RBL1: variants seen among roughly 807,000 people sequenced by gnomAD.
RBL1 encodes the protein RB transcriptional corepressor like 1.
A neutral mutation model predicts 123.0 loss-of-function variants in RBL1; 82 were observed. The ratio of observed to expected loss-of-function variants is 0.67; its 90% CI spans 0.56 to 0.80. The LOEUF is 0.80. RBL1 is among the 30% of genes least tolerant of loss of function. RBL1 has a pLI of 0.00. For missense variants in RBL1, 1,171 were observed against 1,299.6 expected, an observed-to-expected ratio of 0.90 and a Z score of 1.52; for synonymous variants, 405 against 441.3, an observed-to-expected ratio of 0.92 and a Z score of 1.03.
At chr20:37,067,188 A>T in intron 4 of RBL1, 45 bp downstream of exon 4, 1 of 1,576,434 alleles carries the variant, frequency 6.3e-7, no homozygotes, top group Non-Finnish European at 8.6e-7. Flanking sequence ...AATAGCACCA[A>T]GTTCCCAGAG....
Position 37,061,104 on chromosome 20 carries a change from C to G in RBL1, c.1249G>C (p.Glu417Gln). Residue 417 changes from glutamate to glutamine, a missense_variant and splice_region_variant, in exon 9 of 22, where the codon GAA becomes CAA. Glu to Gln is a conservative substitution (Grantham distance 29). Coordinates refer to ENST00000373664, the MANE Select transcript of RBL1 (RefSeq NM_002895.5). ...GAAAAATAACAGTATTGTACATACT[C>G]AAAAATATTTATAAGTTGGTCACTT... Reference protein sequence around the residue: ...APSDQLINIFESCVRNPVENI... With the variant: ...APSDQLINIFQSCVRNPVENI... The G allele has an allele frequency of 6.2e-7, 1 of 1,601,420 alleles. No homozygotes were observed. The highest frequency in any genetic ancestry group is 8.5e-7 in the Non-Finnish European group (1 of 1,173,274).
intron 11 of RBL1, among the ~76,000 whole-genome samples, chr20:37,052,613 G>A (rs180740926): frequency 1.3e-5 from 2 of 152,270 alleles, no homozygotes; most frequent in African/African-American, 2.4e-5. Flanking sequence ...GGGTTCAAGC[G>A]ATTCTCCTGT....
intron 11 of RBL1, among the ~76,000 whole-genome samples, chr20:37,051,058 G>A (rs2064903021): frequency 6.6e-6 from 1 of 151,940 alleles, no homozygotes; most frequent in Admixed American, 6.6e-5. Context: ...TGTTGCCTAG[G>A]TTGGAGGACA....
chr20:37,037,880 T>A (rs1216252122), intron 14 of RBL1, among the ~76,000 whole-genome samples: 1 of 152,074 alleles, frequency 6.6e-6, no homozygotes, highest in Non-Finnish European at 1.5e-5. Context: ...AGGGACCAGT[T>A]TTCACTGTGT....
chr20:37,056,349 T>G, intron 9 of RBL1, 91 bp from the exon 10 acceptor site: 1 of 1,299,542 alleles, frequency 7.7e-7, no homozygotes, highest in East Asian at 3.5e-5. Flanking sequence ...TGCCTTCTTC[T>G]TCTTTTTTTT....
At chr20:37,039,410 C>T (rs2064684137) in intron 14 of RBL1, among the ~76,000 whole-genome samples, 1 of 152,144 alleles carries the variant, frequency 6.6e-6, no homozygotes, top group Non-Finnish European at 1.5e-5. Context: ...CCCATAATTC[C>T]CACGTGTCAT....
intron 20 of RBL1, 61 bp from the exon 21 acceptor site, chr20:37,003,927 T>A: frequency 1.4e-6 from 2 of 1,436,574 alleles, no homozygotes; most frequent in East Asian, 4.7e-5. Context: ...TTGAATCCCA[T>A]ATTTTTATTC....
chr20:37,073,281 G>A (rs958129921), intron 2 of RBL1, among the ~76,000 whole-genome samples: 1 of 152,060 alleles, frequency 6.6e-6, no homozygotes, highest in African/African-American at 2.4e-5. Flanking sequence ...ATGCATCAGG[G>A]TGTTTGAAAA....
chr20:37,012,283 C>T (rs1170914617), intron 19 of RBL1, among the ~76,000 whole-genome samples: 2 of 151,966 alleles, frequency 1.3e-5, no homozygotes, highest in Non-Finnish European at 2.9e-5. Flanking sequence ...GCCCGGCCGC[C>T]ACCCCGTCTG....
intron 2 of RBL1, among the ~76,000 whole-genome samples, chr20:37,068,537 A>G (rs1027670445): frequency 1.3e-5 from 2 of 152,046 alleles, no homozygotes; most frequent in Non-Finnish European, 2.9e-5. Context: ...AATTAAAAAA[A>G]AAAAGTCCTC....
At chr20:37,067,342 A>G (rs756389412) in intron 3 of RBL1, 45 bp from the exon 4 acceptor site, 2 of 1,369,282 alleles carry the variant, frequency 1.5e-6, no homozygotes, top group South Asian at 2.5e-5. Flanking sequence ...AGCTCGCTAA[A>G]TATCATGTAA....
chr20:37,062,157 G>T lies in RBL1; in HGVS notation c.1010C>A (p.Thr337Asn). 6.2e-7 allele frequency: 1 copy of T among 1,614,188 alleles called. No homozygotes were observed. The highest frequency in any genetic ancestry group is 1.1e-5 in the South Asian group (1 of 91,088). Residue 337 changes from threonine (T) to asparagine (N), a missense_variant, in exon 8 of 22, where the codon ACT becomes AAT. By Grantham distance (65) the Thr-to-Asn change is moderately conservative. Transcript: ENST00000373664. ...CAGTTTCCCTAATGGGGTGTCACGA[G>T]TGAACTTTCGAGGTGTTCCAATTTC... ...EEEIGTPRKF[T>N]RDTPLGKLTA...
At chr20:37,004,387 T>C (rs2064036086) in intron 20 of RBL1, among the ~76,000 whole-genome samples, 1 of 151,112 alleles carries the variant, frequency 6.6e-6, no homozygotes. Flanking sequence ...CGGCCTATTT[T>C]CCTGGATCTT....
In RBL1 at chr20:37,025,363, T is replaced by A. The variant is rs2064402750; in HGVS notation, c.2383-2537A>T. ...AGCGAAACCCCTTCTCTACAAAAAA[T>A]TAAAAAATAAGCTGGGTGTGGTAGC... On this transcript the variant is annotated intron_variant, in intron 16 of 21. Transcript: ENST00000373664. Among the ~76,000 whole-genome samples, 3 of 151,780 alleles carry A rather than the reference T, an allele frequency of 2.0e-5. No homozygotes were observed. In the South Asian group the frequency reaches 6.2e-4, roughly 32 times the overall value.
At position 37,069,151 on chromosome 20, in the gene RBL1, C is replaced by T. The variant is rs536792133; in HGVS notation, c.291-965G>A. Among the ~76,000 whole-genome samples the T allele has an allele frequency of 2.7e-3, 415 of 152,340 alleles. 1 individual carries two copies. The highest frequency in any genetic ancestry group is 9.4e-3 in the African/African-American group (390 of 41,590). On this transcript the variant is annotated intron_variant, in intron 2 of 21. Coordinates refer to ENST00000373664, the MANE Select transcript of RBL1 (RefSeq NM_002895.5). ...TGGTTCACTCAGTGCTCAATGGTGCCCAGGCTGGAGTGCAGTGGCGTGATC... is the reference window on the plus strand; with the variant it reads ...TGGTTCACTCAGTGCTCAATGGTGCTCAGGCTGGAGTGCAGTGGCGTGATC...
chr20:37,010,518 G>A (rs1272023965), intron 19 of RBL1, among the ~76,000 whole-genome samples: 1 of 152,112 alleles, frequency 6.6e-6, no homozygotes, highest in Non-Finnish European at 1.5e-5. Flanking sequence ...AACCTAGATT[G>A]TATGGCCAAC....
Position 37,092,166 on chromosome 20 carries a change from C to T in RBL1, c.157-3044G>A, listed in dbSNP as rs1252625815. On this transcript the variant is annotated intron_variant, in intron 1 of 21. Transcript: ENST00000373664. ...GCTGAGATGGGAGAAGTGCCTGAGG[C>T]CCTTTTTTTGTCTCAAAAAAGAAAA... is the stretch of plus-strand genomic sequence containing the variant. Among the ~76,000 whole-genome samples, 3 of 151,922 alleles carry T rather than the reference C, an allele frequency of 2.0e-5. No individual in the cohort carries two copies. In the East Asian group the frequency reaches 5.8e-4, roughly 29 times the overall value.
chr20:37,021,000 T>C (rs889380419), intron 17 of RBL1, among the ~76,000 whole-genome samples: 3 of 152,336 alleles, frequency 2.0e-5, no homozygotes, highest in Middle Eastern at 3.4e-3. Flanking sequence ...CATTTCTTTA[T>C]ATAAAAAAAG....
intron 14 of RBL1, among the ~76,000 whole-genome samples, chr20:37,038,054 C>T (rs944972196): frequency 2.9e-5 from 4 of 139,138 alleles, no homozygotes; most frequent in African/African-American, 5.5e-5. Flanking sequence ...TACAGTGGTG[C>T]GATCTCCGCT....
Sources: gnomAD v4.1 joint callset for allele counts (sites outside exome capture counted in the v4.1 genomes callset) on GRCh38, gnomAD v4.1.1 for gene constraint, MANE v1.5 for transcripts, NCBI Gene and HGNC (gene_info 2026-07-23, HGNC 2026-07-21) for gene names.